SLC24A2: variants seen among roughly 807,000 people sequenced by gnomAD.
SLC24A2 encodes sodium/potassium/calcium exchanger 2.
In SLC24A2, 36 loss-of-function variants were observed where a neutral mutation model predicts 62.0. That is an observed-to-expected ratio of 0.58 (90% CI 0.44 to 0.77). The LOEUF (loss-of-function observed/expected upper bound fraction) is 0.77. Among genes scored for constraint, SLC24A2 ranks in the 30% least tolerant of loss-of-function variants. The pLI, the probability that SLC24A2 is intolerant of heterozygous loss-of-function variation, is 0.00. For synonymous variants in SLC24A2, 358 were observed against 294.0 expected, an observed-to-expected ratio of 1.22 and a Z score of -2.23; for missense variants, 846 against 817.9, an observed-to-expected ratio of 1.03 and a Z score of -0.42.
the SLC24A2 span, among the ~76,000 whole-genome samples, chr9:20,258,865 T>TATTC: frequency 7.2e-6 from 1 of 139,726 alleles, no homozygotes; most frequent in African/African-American, 2.7e-5. Context: ...AATGTCTATC[T>TATTC]ATCCATCCAT....
the SLC24A2 span, among the ~76,000 whole-genome samples, chr9:20,180,311 C>A: frequency 1.3e-5 from 2 of 152,052 alleles, no homozygotes; most frequent in Non-Finnish European, 2.9e-5. Flanking sequence ...ATATTAATCA[C>A]CATATAGATA....
Position 19,508,235 on chromosome 9 carries a change from A to C in SLC24A2, c.*7918T>G, listed in dbSNP as rs969390397. On this transcript the variant is annotated 3_prime_UTR_variant, in exon 11 of 11. Transcript: ENST00000341998. ...TTTGTGTTCAGGGTTCAATAGCGCA[A>C]TTCAGTAACTGAGGCTCCCTCTTCC... The C allele has an allele frequency of 1.3e-5, 2 of 152,192 alleles. No homozygotes were observed. Among genetic ancestry groups the C allele is most frequent in the Non-Finnish European group, 2.9e-5 (2 of 68,036 alleles). The allele number at this position is 152,192 out of a possible 1,614,324, so 9.4% of individuals were successfully genotyped here. A position where few individuals can be genotyped will look rare whatever the true frequency, so the allele number is the denominator to read the frequency against.
At chr9:19,813,704 A>G in the SLC24A2 span, among the ~76,000 whole-genome samples, 1 of 152,238 alleles carries the variant, frequency 6.6e-6, no homozygotes, top group East Asian at 1.9e-4. Flanking sequence ...CCAAATCATC[A>G]AAGTGATGAT....
At chr9:19,817,435 T>C in the SLC24A2 span, among the ~76,000 whole-genome samples, 12 of 151,984 alleles carry the variant, frequency 7.9e-5, no homozygotes, top group African/African-American at 1.4e-4. Flanking sequence ...CCTGTTCCCA[T>C]TGGATGACTT....
intron 7 of SLC24A2, among the ~76,000 whole-genome samples, chr9:19,555,696 G>A (rs1454476240): frequency 6.6e-6 from 1 of 152,198 alleles, no homozygotes; most frequent in African/African-American, 2.4e-5. Flanking sequence ...TGTAATCCCA[G>A]CACTTTGGGA....
In SLC24A2 at chr9:19,786,979, C is replaced by T. The variant is rs886353181; in HGVS notation, c.-113G>A. ...GATGCTTGTGGGGTACTTTCACAAT[C>T]AGGGATTGTTATGCTTCACAGGAAA... On this transcript the variant is annotated 5_prime_UTR_variant, in exon 2 of 11. Coordinates refer to ENST00000341998, the MANE Select transcript of SLC24A2 (RefSeq NM_020344.4). This position sits in a 1 kb window ranked among gnomAD's most constrained non-coding sequence, Gnocchi z 5.0. The T allele has an allele frequency of 3.2e-5, 48 of 1,483,082 alleles. No homozygotes were observed. Among genetic ancestry groups the T allele is most frequent in the Non-Finnish European group, 4.3e-5 (48 of 1,121,734 alleles). 91.9% of individuals were successfully genotyped at this position (1,483,082 alleles called of 1,614,324 possible).
chr9:19,690,337 C>T (rs997796423), intron 2 of SLC24A2, among the ~76,000 whole-genome samples: 3 of 152,090 alleles, frequency 2.0e-5, no homozygotes, highest in African/African-American at 7.2e-5. Context: ...ATGCATGACT[C>T]AGGCTCATTC....
chr9:20,136,975 G>A, the SLC24A2 span, among the ~76,000 whole-genome samples: 3 of 152,090 alleles, frequency 2.0e-5, no homozygotes, highest in Non-Finnish European at 2.9e-5. Context: ...GTGTGTTTAC[G>A]CTAATTAAGA....
At chr9:19,763,860 T>C (rs1005160948) in intron 2 of SLC24A2, among the ~76,000 whole-genome samples, 2 of 152,198 alleles carry the variant, frequency 1.3e-5, no homozygotes, top group Non-Finnish European at 2.9e-5. Context: ...TCTTTTTCTA[T>C]TGTTTGGAAT....
At chr9:19,944,472 G>A in the SLC24A2 span, among the ~76,000 whole-genome samples, 1 of 150,762 alleles carries the variant, frequency 6.6e-6, no homozygotes, top group Admixed American at 6.6e-5. Flanking sequence ...AAGGATGCAG[G>A]ATGTGAAAAG....
chr9:19,767,239 G>A (rs1822544168), intron 2 of SLC24A2, among the ~76,000 whole-genome samples: 1 of 152,236 alleles, frequency 6.6e-6, no homozygotes, highest in East Asian at 1.9e-4. Flanking sequence ...TTCCATGGGT[G>A]TGGGATCTGC....
the SLC24A2 span, among the ~76,000 whole-genome samples, chr9:19,911,657 G>A: frequency 3.9e-5 from 6 of 152,152 alleles, no homozygotes; most frequent in Non-Finnish European, 8.8e-5. Flanking sequence ...CTCAACTGTG[G>A]TTTTATCCTA....
the SLC24A2 span, among the ~76,000 whole-genome samples, chr9:20,127,073 C>T: frequency 2.6e-5 from 4 of 151,762 alleles, no homozygotes; most frequent in Non-Finnish European, 4.4e-5. Flanking sequence ...CTTTTCTTTA[C>T]CCCACCCTAA....
chr9:19,738,365 A>C (rs1237722112), intron 2 of SLC24A2, among the ~76,000 whole-genome samples: 4 of 152,170 alleles, frequency 2.6e-5, no homozygotes, highest in Non-Finnish European at 5.9e-5. Flanking sequence ...GGATGATGTT[A>C]GGGTAAAAGT....
At chr9:20,235,476 C>T in the SLC24A2 span, among the ~76,000 whole-genome samples, 768 of 152,318 alleles carry the variant, frequency 5.0e-3, 4 homozygotes, top group East Asian at 0.018. Context: ...AGTTTGATCT[C>T]GGATTGCTGT....
In SLC24A2 at chr9:19,510,714, G is replaced by A. The variant is rs1016843465; in HGVS notation, c.*5439C>T. ...TTGTCTGTTTTTAAAGATTTTATTAGGTTTTCCAGTCTGTCAATGAATGAT... is the reference window on the plus strand; with the variant it reads ...TTGTCTGTTTTTAAAGATTTTATTAAGTTTTCCAGTCTGTCAATGAATGAT... On this transcript the variant is annotated 3_prime_UTR_variant, in exon 11 of 11. Coordinates refer to ENST00000341998, the MANE Select transcript of SLC24A2 (RefSeq NM_020344.4). The A allele has an allele frequency of 1.3e-5, 2 of 152,206 alleles. No homozygotes were observed. Among genetic ancestry groups the A allele is most frequent in the African/African-American group, 4.8e-5 (2 of 41,450 alleles). The allele number at this position is 152,206 out of a possible 1,614,324, so 9.4% of individuals were successfully genotyped here.
chr9:19,808,994 C>T, the SLC24A2 span, among the ~76,000 whole-genome samples: 2 of 152,084 alleles, frequency 1.3e-5, no homozygotes, highest in Non-Finnish European at 2.9e-5. This position sits in a 1 kb window ranked among gnomAD's most constrained non-coding sequence, Gnocchi z 4.1. Flanking sequence ...GAGGATGGGC[C>T]CCAATCTCCA....
the SLC24A2 span, among the ~76,000 whole-genome samples, chr9:20,255,898 G>A: frequency 6.6e-6 from 1 of 152,178 alleles, no homozygotes; most frequent in Non-Finnish European, 1.5e-5. Flanking sequence ...GTCCACTTGT[G>A]CTGCTATGGC....
At chr9:19,800,610 G>A in the SLC24A2 span, among the ~76,000 whole-genome samples, 1 of 152,046 alleles carries the variant, frequency 6.6e-6, no homozygotes, top group Non-Finnish European at 1.5e-5. Context: ...TATGAGGTGA[G>A]TGGGAAAAAC....
Sources: gnomAD v4.1 joint callset for allele counts (sites outside exome capture counted in the v4.1 genomes callset) on GRCh38, gnomAD v4.1.1 for gene constraint, Gnocchi (gnomAD v3.1) non-coding constraint, MANE v1.5 for transcripts, NCBI Gene and HGNC (gene_info 2026-07-23, HGNC 2026-07-21) for gene names.